The following SOS1 variants were observed in gnomAD, a reference collection of about 807,000 sequenced individuals.
SOS1 encodes the protein son of sevenless homolog 1.
In SOS1, 25 loss-of-function variants were observed where a neutral mutation model predicts 157.6. The ratio of observed to expected loss-of-function variants is 0.16; its 90% CI spans 0.12 to 0.22. SOS1 has a LOEUF of 0.22. Among genes scored for constraint, SOS1 ranks in the 10% least tolerant of loss-of-function variants. SOS1 has a pLI of 1.00. For synonymous variants in SOS1, 528 were observed against 534.0 expected (o/e 0.99, Z 0.16); for missense variants, 1,237 against 1,599.1 (o/e 0.77, Z 3.86).
intron 8 of SOS1, among the ~76,000 whole-genome samples, chr2:39,033,648 GCC>G (rs1670242599): frequency 1.3e-5 from 2 of 152,062 alleles, no homozygotes; most frequent in Non-Finnish European, 2.9e-5. Flanking sequence ...TGTTCCTCCT[GCC>G]CAGCCTTTTG....
At chr2:38,991,873 C>T (rs1053074742) in intron 20 of SOS1, among the ~76,000 whole-genome samples, 1 of 151,944 alleles carries the variant, frequency 6.6e-6, no homozygotes. Context: ...CAGATACTGG[C>T]TGAAATAATT....
At position 39,096,496 on chromosome 2, in the gene SOS1, G is replaced by C. The variant is rs1246936547; in HGVS notation, c.87+23840C>G. Among the ~76,000 whole-genome samples the C allele has an allele frequency of 2.6e-5, 4 of 152,176 alleles. No homozygotes were observed. In the East Asian group the frequency reaches 7.7e-4, roughly 29 times the overall value. Reference sequence around the variant, plus strand: ...TACTTTGGTGTAAAATAATCAAATAGCATTTAGCACAGAATCAAGTCATTT... The same window carrying C: ...TACTTTGGTGTAAAATAATCAAATACCATTTAGCACAGAATCAAGTCATTT... On this transcript the variant is annotated intron_variant, in intron 1 of 22. Transcript: ENST00000402219.
chr2:39,124,761 TC>T (rs1674014987), upstream of SOS1, among the ~76,000 whole-genome samples: 1 of 152,242 alleles, frequency 6.6e-6, no homozygotes, highest in Non-Finnish European at 1.5e-5. Context: ...TACTTATCTT[TC>T]TAGCTGTATC....
chr2:39,011,365 ATGATATC>A (rs1669465093), intron 14 of SOS1, among the ~76,000 whole-genome samples: 1 of 152,204 alleles, frequency 6.6e-6, no homozygotes, highest in South Asian at 2.1e-4. Context: ...CATTTAAGTA[ATGATATC>A]TGTTATAATC....
chr2:38,995,478 T>C (rs1558459976), intron 19 of SOS1, 91 bp from the exon 20 acceptor site: 8 of 956,600 alleles, frequency 8.4e-6, no homozygotes, highest in Middle Eastern at 2.9e-4. Context: ...TCAGCTAATA[T>C]ACAGGAAAAT....
At chr2:39,062,315 G>C (rs1030284779) in intron 2 of SOS1, among the ~76,000 whole-genome samples, 3 of 151,808 alleles carry the variant, frequency 2.0e-5, no homozygotes, top group East Asian at 3.9e-4. Context: ...CTACTCAGGA[G>C]GCTGAGGCAC....
At chr2:39,057,984 T>C (rs1471108478) in intron 3 of SOS1, among the ~76,000 whole-genome samples, 1 of 152,094 alleles carries the variant, frequency 6.6e-6, no homozygotes, top group Non-Finnish European at 1.5e-5. Context: ...TGGATAATAA[T>C]AACTTTGTTG....
At chr2:38,999,778 A>T (rs1427805092) in intron 17 of SOS1, among the ~76,000 whole-genome samples, 1 of 152,220 alleles carries the variant, frequency 6.6e-6, no homozygotes, top group Non-Finnish European at 1.5e-5. Flanking sequence ...CTGATGGCCC[A>T]TCTGTGAAGA....
intron 1 of SOS1, among the ~76,000 whole-genome samples, chr2:39,112,818 T>G (rs1673488727): frequency 6.6e-6 from 1 of 152,068 alleles, no homozygotes; most frequent in South Asian, 2.1e-4. Context: ...GCGGGCAGAC[T>G]GCCTGAGCTC....
chr2:39,090,208 T>C (rs540283029), intron 1 of SOS1, among the ~76,000 whole-genome samples: 5 of 151,618 alleles, frequency 3.3e-5, no homozygotes, highest in Non-Finnish European at 5.9e-5. Flanking sequence ...AAATAATTCA[T>C]CTTCAAATGG....
At chr2:39,107,022 G>C (rs929361252) in intron 1 of SOS1, among the ~76,000 whole-genome samples, 3 of 151,924 alleles carry the variant, frequency 2.0e-5, no homozygotes, top group African/African-American at 2.4e-5. Flanking sequence ...AGTAAATTGT[G>C]TACCATTAAT....
intron 1 of SOS1, among the ~76,000 whole-genome samples, chr2:39,076,942 T>C (rs1268111612): frequency 2.0e-5 from 3 of 152,224 alleles, no homozygotes; most frequent in South Asian, 2.1e-4. Context: ...CTATAAAAGA[T>C]AGTTGCACTC....
At chr2:39,067,516 A>C in intron 2 of SOS1, 112 bp downstream of exon 2, 1 of 967,300 alleles carries the variant, frequency 1.0e-6, no homozygotes, top group Non-Finnish European at 1.7e-6. Flanking sequence ...TCCAGGCTTC[A>C]TTTTCTTATA....
chr2:39,111,065 T>C (rs990632368), intron 1 of SOS1, among the ~76,000 whole-genome samples: 2 of 152,218 alleles, frequency 1.3e-5, no homozygotes, highest in Non-Finnish European at 2.9e-5. Flanking sequence ...AAACCCTGTC[T>C]GTAATAAAAA....
chr2:39,040,205 G>C (rs1670519771), intron 6 of SOS1, among the ~76,000 whole-genome samples: 1 of 151,602 alleles, frequency 6.6e-6, no homozygotes, highest in Admixed American at 6.6e-5. Flanking sequence ...TTTTAGTAGA[G>C]ATGGCGTTTC....
intron 17 of SOS1, among the ~76,000 whole-genome samples, chr2:38,998,074 G>C (rs1668958779): frequency 1.3e-5 from 2 of 152,114 alleles, no homozygotes; most frequent in South Asian, 4.1e-4. Context: ...GTCTTCAATA[G>C]TTTGTAGACT....
chr2:39,045,243 G>GGAGAGA (rs1308718638), intron 6 of SOS1, among the ~76,000 whole-genome samples: 14 of 83,346 alleles, frequency 1.7e-4, no homozygotes, highest in African/African-American at 5.9e-4. Context: ...AGAGAGAGAG[G>GGAGAGA]GAGAGAGAGA....
chr2:39,074,050 A>G (rs1474654992), intron 1 of SOS1, among the ~76,000 whole-genome samples: 1 of 152,196 alleles, frequency 6.6e-6, no homozygotes, highest in Non-Finnish European at 1.5e-5. Context: ...TCAAGAAATA[A>G]AATTTAAGAC....
Position 39,101,089 on chromosome 2 carries a change from GC to G in SOS1, c.87+19246del, listed in dbSNP as rs574321533. On this transcript the variant is annotated intron_variant, in intron 1 of 22. Coordinates refer to ENST00000402219, the MANE Select transcript of SOS1 (RefSeq NM_005633.4). ...GTTCTGCAGGCTGTACAAGAAGCGTGCCGCTAGCATCTGCTTCTGGTAAGGA... is the reference window on the plus strand; with the variant it reads ...GTTCTGCAGGCTGTACAAGAAGCGTGCGCTAGCATCTGCTTCTGGTAAGGA... Among the ~76,000 whole-genome samples the G allele has an allele frequency of 1.3e-3, 205 of 152,338 alleles. 1 individual carries two copies. Among genetic ancestry groups the G allele is most frequent in the African/African-American group, 4.5e-3 (187 of 41,586 alleles).
Sources: allele counts gnomAD v4.1 joint callset (sites outside exome capture counted in the v4.1 genomes callset), GRCh38; gene constraint gnomAD v4.1.1; transcripts MANE v1.5; gene names NCBI Gene and HGNC (gene_info 2026-07-23, HGNC 2026-07-21).